SDF4: variants seen among roughly 807,000 people sequenced by gnomAD.
The protein encoded by SDF4 is 45 kDa calcium-binding protein.
In SDF4, 22 loss-of-function variants were observed where a neutral mutation model predicts 34.2. The observed-to-expected ratio is 0.64, with a 90% confidence interval of 0.46 to 0.92. The LOEUF (loss-of-function observed/expected upper bound fraction) is 0.92, where lower values mean the gene tolerates loss of function less well. SDF4 is among the 40% of genes least tolerant of loss of function. The pLI is 0.00. For missense variants in SDF4, 447 were observed against 499.9 expected (o/e 0.89, Z 1.01); for synonymous variants, 236 against 203.1 (o/e 1.16, Z -1.38).
At chr1:1,225,544 G>A (rs368522143) in intron 2 of SDF4, among the ~76,000 whole-genome samples, 4 of 152,176 alleles carry the variant, frequency 2.6e-5, no homozygotes, top group East Asian at 1.9e-4. Flanking sequence ...AGAGGTGGAC[G>A]GGCCTGGGAG....
chr1:1,220,747 C>T (rs1557515836), intron 4 of SDF4: 2 of 1,289,162 alleles, frequency 1.6e-6, no homozygotes, highest in Non-Finnish European at 2.0e-6. Flanking sequence ...AGAAAAGACC[C>T]AAATAAAGTG....
chr1:1,221,005 G>A (rs771328199), intron 4 of SDF4: 40 of 348,746 alleles, frequency 1.1e-4, no homozygotes, highest in Admixed American at 2.3e-4. Context: ...CTGTAATCCC[G>A]GCATGCTGGG....
Position 1,228,525 on chromosome 1 carries a change from A to C in SDF4, c.248T>G (p.Phe83Cys). ...EVFLGKDLGG[F>C]DEDAEPRRSR... ...CCGCCGCGGCTCCGCGTCCTCATCA[A>C]AGCCACCCAGGTCCTTGCCTAGGAA... Residue 83 changes from phenylalanine (F) to cysteine (C), a missense_variant, in exon 2 of 7, where the codon TTT (phenylalanine) becomes TGT (cysteine). Physicochemically the swap from Phe to Cys is radical, Grantham distance 205. Coordinates refer to ENST00000360001, the MANE Select transcript of SDF4 (RefSeq NM_016176.6). 1.9e-6 allele frequency: 3 copies of C among 1,612,742 alleles called. No homozygotes were observed. The highest frequency in any genetic ancestry group is 2.5e-6 in the Non-Finnish European group (3 of 1,179,840).
chr1:1,221,507 G>A (rs1649958543), intron 4 of SDF4, among the ~76,000 whole-genome samples: 2 of 152,144 alleles, frequency 1.3e-5, no homozygotes, highest in African/African-American at 4.8e-5. Flanking sequence ...GTTCCTGGCA[G>A]GAACGTATCT....
At position 1,223,275 on chromosome 1, in the gene SDF4, C is replaced by T. The variant is rs766000046; in HGVS notation, c.525G>A (p.Arg175=). ...HSEKEVADAI[R]LNEELKVDEE... is the part of the protein sequence containing the mutation. ...CATCCACTTTGAGTTCCTCGTTGAG[C>T]CTGATGGCGTCGGCAACCTCCTTCT... is the stretch of plus-strand genomic sequence containing the variant. The change falls in exon 4 of 7, where the codon AGG becomes AGA. Residue 175 remains arginine (R), a synonymous_variant. Transcript: ENST00000360001. 30 of 1,613,940 alleles carry T rather than the reference C, an allele frequency of 1.9e-5. No homozygotes were observed. In the Admixed American group the frequency reaches 2.3e-4, roughly 13 times the overall value.
chr1:1,223,588 C>T (rs1650106303), intron 3 of SDF4, among the ~76,000 whole-genome samples: 2 of 152,250 alleles, frequency 1.3e-5, no homozygotes, highest in Admixed American at 1.3e-4. Context: ...ATGAAGGCCC[C>T]GAAGACATAA....
intron 4 of SDF4, chr1:1,220,976 C>T (rs957193295): frequency 3.4e-5 from 12 of 357,434 alleles, no homozygotes; most frequent in Admixed American, 1.1e-4. Flanking sequence ...CCAATTTGGC[C>T]GGGCACTGGG....
intron 3 of SDF4, 46 bp downstream of exon 3, chr1:1,223,786 G>GCCCCCCCCCCCCCC: frequency 6.8e-6 from 4 of 585,240 alleles, no homozygotes; most frequent in East Asian, 3.0e-5. Flanking sequence ...CCATGGCCCT[G>GCCCCCCCCCCCCCC]CCCGCCCCGC....
At position 1,218,282 on chromosome 1, in the gene SDF4, A is replaced by T. The variant is rs1334383595; in HGVS notation, c.891+176T>A. On this transcript the variant is annotated intron_variant, in intron 6 of 6. Coordinates refer to ENST00000360001, the MANE Select transcript of SDF4 (RefSeq NM_016176.6). The surrounding 1 kb of genome is among the most constrained non-coding windows in gnomAD (Gnocchi z 7.9). ...TCTGATCCGTCTGAACCTAAACGCCAACAACGGCCATGCAGCCTGGTGGAC... is the reference window on the plus strand; with the variant it reads ...TCTGATCCGTCTGAACCTAAACGCCTACAACGGCCATGCAGCCTGGTGGAC... Among the ~76,000 whole-genome samples, 1 of 152,040 alleles carries T rather than the reference A, an allele frequency of 6.6e-6. No homozygotes were observed. The highest frequency in any genetic ancestry group is 1.5e-5 in the Non-Finnish European group (1 of 68,002).
chr1:1,219,459 T>C, intron 4 of SDF4: 3 of 1,005,206 alleles, frequency 3.0e-6, no homozygotes, highest in Non-Finnish European at 3.6e-6. Context: ...CCCTGAAGGC[T>C]GACGTGCGCA....
chr1:1,223,127 G>T, intron 4 of SDF4, 117 bp downstream of exon 4: 1 of 741,966 alleles, frequency 1.3e-6, no homozygotes, highest in Non-Finnish European at 2.4e-6. Flanking sequence ...ACGTACTCAC[G>T]AGCACACGCA....
At chr1:1,224,519 A>T (rs1294451287) in intron 2 of SDF4, among the ~76,000 whole-genome samples, 1 of 152,174 alleles carries the variant, frequency 6.6e-6, no homozygotes, top group Non-Finnish European at 1.5e-5. Context: ...ACCTCAAATG[A>T]TCCACCCACC....
intron 4 of SDF4, chr1:1,220,491 C>CCG: frequency 8.3e-7 from 1 of 1,198,106 alleles, no homozygotes; most frequent in Non-Finnish European, 1.1e-6. Context: ...CCTCCAGGAC[C>CCG]CGGCAGCTGC....
At chr1:1,219,508 T>C in intron 4 of SDF4, 1 of 993,726 alleles carries the variant, frequency 1.0e-6, no homozygotes, top group African/African-American at 1.7e-5. Context: ...CCTTTTCCGT[T>C]TCCTTCACGT....
At position 1,218,839 on chromosome 1, in the gene SDF4, C is replaced by T; in HGVS notation, c.645G>A (p.Leu215=). 6.2e-7 allele frequency: 1 copy of T among 1,601,430 alleles called. No homozygotes were observed. The highest frequency in any genetic ancestry group is 8.5e-7 in the Non-Finnish European group (1 of 1,171,306). ...GGCTGTGCTCGGGGTGGAGGAACGA[C>T]AGGAACTCCTCCTCCGTCAGCAGCA... is the stretch of plus-strand genomic sequence containing the variant. ...ADLLLTEEEF[L]SFLHPEHSRG... The change falls in exon 5 of 7, where the codon CTG becomes CTA. Residue 215 remains leucine (L), a synonymous_variant. Coordinates refer to ENST00000360001, the MANE Select transcript of SDF4 (RefSeq NM_016176.6). The surrounding 1 kb of genome is among the most constrained non-coding windows in gnomAD (Gnocchi z 7.9).
At chr1:1,229,190 G>GT (rs1205566745) in intron 1 of SDF4, among the ~76,000 whole-genome samples, 1 of 152,084 alleles carries the variant, frequency 6.6e-6, no homozygotes, top group Non-Finnish European at 1.5e-5. Context: ...CACACGTGGT[G>GT]TTTTTTTCTT....
intron 4 of SDF4, among the ~76,000 whole-genome samples, chr1:1,222,961 A>T (rs897789491): frequency 3.3e-5 from 5 of 151,806 alleles, no homozygotes; most frequent in African/African-American, 1.2e-4. Context: ...CGTACACACG[A>T]CACGCACACA....
intron 2 of SDF4, among the ~76,000 whole-genome samples, chr1:1,224,865 A>T (rs57994571): frequency 0.021 from 3,186 of 152,338 alleles, 40 homozygotes; most frequent in African/African-American, 0.04. Flanking sequence ...GTGAACTGTG[A>T]TCACACCACT....
At chr1:1,228,333 A>G in intron 2 of SDF4, 135 bp downstream of exon 2, 5 of 1,000,498 alleles carry the variant, frequency 5.0e-6, no homozygotes, top group Non-Finnish European at 7.1e-6. Context: ...AGTGGCGCTC[A>G]TCACCGGCAC....
Sources: allele counts gnomAD v4.1 joint callset (sites outside exome capture counted in the v4.1 genomes callset), GRCh38; gene constraint gnomAD v4.1.1; non-coding constraint Gnocchi (gnomAD v3.1); transcripts MANE v1.5; gene names NCBI Gene and HGNC (gene_info 2026-07-23, HGNC 2026-07-21).